PALM2AKAP2: variants seen among roughly 807,000 people sequenced by gnomAD.
PALM2AKAP2 encodes the protein PALM2 and AKAP2 fusion.
A neutral mutation model predicts 71.5 loss-of-function variants in PALM2AKAP2; 37 were observed. That is an observed-to-expected ratio of 0.52 (90% CI 0.40 to 0.68). PALM2AKAP2 has a LOEUF of 0.68. Ranked by LOEUF, PALM2AKAP2 falls within the 30% of genes least tolerant of loss-of-function variation. PALM2AKAP2 has a pLI of 0.00. For missense variants in PALM2AKAP2, 1,224 were observed against 1,191.8 expected (o/e 1.03, Z -0.40); for synonymous variants, 468 against 478.8 (o/e 0.98, Z 0.29).
intron 1 of PALM2AKAP2, among the ~76,000 whole-genome samples, chr9:110,104,587 G>A (rs546243383): frequency 6.6e-6 from 1 of 152,262 alleles, no homozygotes; most frequent in East Asian, 1.9e-4. Context: ...GAATATTTGG[G>A]ATCAGCAGAA....
intron 1 of PALM2AKAP2, among the ~76,000 whole-genome samples, chr9:109,651,042 C>A (rs2132232558): frequency 6.6e-6 from 1 of 152,218 alleles, no homozygotes; most frequent in South Asian, 2.1e-4. Flanking sequence ...TCTCATCCTT[C>A]AAATCCATTT....
chr9:109,909,271 G>C (rs1343278441), intron 3 of PALM2AKAP2, among the ~76,000 whole-genome samples: 1 of 152,190 alleles, frequency 6.6e-6, no homozygotes, highest in Non-Finnish European at 1.5e-5. Context: ...TCCTGCTTCA[G>C]AGAAAGCAAA....
At chr9:109,702,137 T>C (rs1198427935) in intron 1 of PALM2AKAP2, among the ~76,000 whole-genome samples, 3 of 152,160 alleles carry the variant, frequency 2.0e-5, no homozygotes, top group Non-Finnish European at 4.4e-5. Flanking sequence ...TTTTACAGTG[T>C]TGGTGGGACT....
intron 1 of PALM2AKAP2, among the ~76,000 whole-genome samples, chr9:109,688,221 C>T (rs1258986715): frequency 1.3e-5 from 2 of 152,196 alleles, no homozygotes; most frequent in Non-Finnish European, 2.9e-5. Context: ...ATTTATTCAT[C>T]ACAGGGTTGC....
chr9:109,953,011 T>G (rs1831673121), intron 6 of PALM2AKAP2, among the ~76,000 whole-genome samples: 1 of 152,112 alleles, frequency 6.6e-6, no homozygotes, highest in South Asian at 2.1e-4. Flanking sequence ...AATATAGAGA[T>G]TATAAGCTGT....
chr9:109,738,754 T>C (rs895269121), intron 1 of PALM2AKAP2, among the ~76,000 whole-genome samples: 1 of 152,202 alleles, frequency 6.6e-6, no homozygotes, highest in Non-Finnish European at 1.5e-5. Flanking sequence ...ACTAAATAAT[T>C]TGCCCAAATC....
At chr9:109,884,589 A>G (rs1408291210) in intron 3 of PALM2AKAP2, among the ~76,000 whole-genome samples, 1 of 152,248 alleles carries the variant, frequency 6.6e-6, no homozygotes, top group Admixed American at 6.5e-5. Context: ...TTTATATAAT[A>G]GGAATCTTGA....
chr9:109,774,745 A>G (rs1355954840), intron 1 of PALM2AKAP2, among the ~76,000 whole-genome samples: 1 of 152,144 alleles, frequency 6.6e-6, no homozygotes, highest in African/African-American at 2.4e-5. Flanking sequence ...TTCATGAAGC[A>G]ATGATTGGGT....
At chr9:109,849,161 A>G (rs1047628271) in intron 1 of PALM2AKAP2, among the ~76,000 whole-genome samples, 1 of 152,118 alleles carries the variant, frequency 6.6e-6, no homozygotes, top group African/African-American at 2.4e-5. Context: ...TTATTTCCTA[A>G]AAACTGTAAT....
chr9:109,998,608 G>A (rs10816914), intron 6 of PALM2AKAP2, among the ~76,000 whole-genome samples: 54,848 of 138,042 alleles, frequency 0.4, 11,884 homozygotes, highest in African/African-American at 0.6. Flanking sequence ...TTCTTAATAT[G>A]GTACTTTCTG....
chr9:109,779,715 T>C (rs1025434050), upstream of PALM2AKAP2, among the ~76,000 whole-genome samples: 1 of 152,194 alleles, frequency 6.6e-6, no homozygotes, highest in Non-Finnish European at 1.5e-5. Context: ...GACTTGATAT[T>C]GAGAACTTGG....
rs1393593455 is a variant in PALM2AKAP2 at position 110,035,262 on chromosome 9, CATATATA to C, written c.582+19236_582+19242del. ...AATATATAATTATATTATATACACA[CATATATA>C]ATATATAATATACATATTGTACATA... On this transcript the variant is annotated intron_variant, in intron 7 of 9. Coordinates refer to the PALM2AKAP2 transcript ENST00000302798. Among the ~76,000 whole-genome samples the C allele has an allele frequency of 3.6e-3, 406 of 113,834 alleles. 5 individuals are homozygous for C. The highest frequency in any genetic ancestry group is 0.017 in the African/African-American group (391 of 23,674). 74.7% of individuals were successfully genotyped at this position (113,834 alleles called of 152,430 possible). A position where few individuals can be genotyped will look rare whatever the true frequency, so the allele number is the denominator to read the frequency against.
intron 1 of PALM2AKAP2, among the ~76,000 whole-genome samples, chr9:109,707,838 C>T (rs1828166757): frequency 2.6e-5 from 4 of 152,206 alleles, no homozygotes; most frequent in Admixed American, 2.6e-4. Flanking sequence ...TTAGTGACTA[C>T]TTTGTGCCAT....
chr9:110,042,541 A>T (rs1833527696), intron 7 of PALM2AKAP2, among the ~76,000 whole-genome samples: 1 of 152,260 alleles, frequency 6.6e-6, no homozygotes, highest in South Asian at 2.1e-4. Flanking sequence ...CATACAAATC[A>T]TCCATATGGA....
At chr9:109,798,710 C>T (rs1329489933) in intron 1 of PALM2AKAP2, among the ~76,000 whole-genome samples, 1 of 152,200 alleles carries the variant, frequency 6.6e-6, no homozygotes, top group African/African-American at 2.4e-5. Context: ...TCACTACTCC[C>T]CATTGATAAT....
At chr9:109,736,299 G>A (rs1057454029) in intron 1 of PALM2AKAP2, among the ~76,000 whole-genome samples, 4 of 152,202 alleles carry the variant, frequency 2.6e-5, no homozygotes, top group Non-Finnish European at 4.4e-5. Context: ...TTTCTGTAGC[G>A]ACAATGAACA....
intron 6 of PALM2AKAP2, among the ~76,000 whole-genome samples, chr9:110,007,214 C>T (rs1832801413): frequency 6.6e-6 from 1 of 152,168 alleles, no homozygotes; most frequent in Admixed American, 6.5e-5. Context: ...GCCATCAGGG[C>T]ATTGAGCCAC....
chr9:110,047,510 T>G (rs909294016), upstream of PALM2AKAP2, among the ~76,000 whole-genome samples: 2 of 152,164 alleles, frequency 1.3e-5, no homozygotes, highest in South Asian at 4.1e-4. Context: ...GTGTTTCACA[T>G]GTAAAATTGA....
At chr9:110,030,496 G>A (rs1833260978) in intron 7 of PALM2AKAP2, among the ~76,000 whole-genome samples, 1 of 152,184 alleles carries the variant, frequency 6.6e-6, no homozygotes, top group African/African-American at 2.4e-5. Context: ...AGAGACAGGA[G>A]TGAGGGGAGG....
Sources: allele counts gnomAD v4.1 joint callset (sites outside exome capture counted in the v4.1 genomes callset), GRCh38; gene constraint gnomAD v4.1.1; transcripts MANE v1.5; gene names NCBI Gene and HGNC (gene_info 2026-07-23, HGNC 2026-07-21).